KCNJ3: variants seen among roughly 807,000 people sequenced by gnomAD.
KCNJ3 encodes potassium inwardly rectifying channel subfamily J member 3.
Under a neutral mutation model 39.2 loss-of-function variants are expected in KCNJ3, and 4 were observed. The ratio of observed to expected loss-of-function variants is 0.10; its 90% CI spans 0.05 to 0.23. The LOEUF (loss-of-function observed/expected upper bound fraction) is 0.23, where lower values mean the gene tolerates loss of function less well. Ranked by LOEUF, KCNJ3 falls within the 10% of genes least tolerant of loss-of-function variation. The probability of loss-of-function intolerance (pLI) is 1.00; values close to 1 mark genes in which losing one functional copy is unlikely to be tolerated. For missense variants in KCNJ3, 276 were observed against 634.9 expected, an observed-to-expected ratio of 0.43 and a Z score of 6.08; for synonymous variants, 230 against 237.4, an observed-to-expected ratio of 0.97 and a Z score of 0.29.
At chr2:154,801,438 C>T in intron 2 of KCNJ3, among the ~76,000 whole-genome samples, 1 of 152,136 alleles carries the variant, frequency 6.6e-6, no homozygotes, top group South Asian at 2.1e-4. Flanking sequence ...CTACCTACCT[C>T]ATTTTTTCCA....
chr2:154,792,514 AC>A (rs1225275839), intron 2 of KCNJ3, among the ~76,000 whole-genome samples: 1 of 152,086 alleles, frequency 6.6e-6, no homozygotes, highest in East Asian at 1.9e-4. Flanking sequence ...GTTAGTTTAT[AC>A]AGTTGTTGCA....
chr2:154,737,346 G>A (rs1280443773), intron 2 of KCNJ3, among the ~76,000 whole-genome samples: 1 of 152,136 alleles, frequency 6.6e-6, no homozygotes, highest in Admixed American at 6.6e-5. Context: ...AGATAAATAT[G>A]CTCAGAACAA....
chr2:154,842,870 A>G (rs1274296563), intron 2 of KCNJ3, among the ~76,000 whole-genome samples: 6 of 152,086 alleles, frequency 3.9e-5, no homozygotes, highest in Non-Finnish European at 8.8e-5. Context: ...CAGCACACTG[A>G]TGCGTCTTGA....
chr2:154,793,724 G>T (rs1411830120), intron 2 of KCNJ3, among the ~76,000 whole-genome samples: 5 of 152,020 alleles, frequency 3.3e-5, no homozygotes, highest in Admixed American at 3.3e-4. Flanking sequence ...CTGGACATAG[G>T]TTTAAGTTTT....
At chr2:154,777,689 T>C (rs1047132309) in intron 2 of KCNJ3, among the ~76,000 whole-genome samples, 4 of 152,218 alleles carry the variant, frequency 2.6e-5, no homozygotes, top group South Asian at 2.1e-4. Flanking sequence ...TTGGGAATGT[T>C]TTAATTTTTT....
chr2:154,722,409 G>A (rs924073362), intron 2 of KCNJ3, among the ~76,000 whole-genome samples: 1 of 152,142 alleles, frequency 6.6e-6, no homozygotes, highest in Admixed American at 6.5e-5. Context: ...GAATGAGTGA[G>A]ACTTGGCAAA....
chr2:154,855,043 T>C lies in KCNJ3; in HGVS notation c.1236T>C (p.Phe412=). 1 of 1,614,074 alleles carries C rather than the reference T, an allele frequency of 6.2e-7. No individual in the cohort carries two copies. The highest frequency in any genetic ancestry group is 8.5e-7 in the Non-Finnish European group (1 of 1,179,966). Residue 412 remains phenylalanine, a synonymous_variant, in exon 3 of 3, where the codon TTT becomes TTC. Transcript: ENST00000295101. ...AGAAAATTACTGGAAGAGAAGACTT[T>C]CCCAAAAAACTCTTGAGGATGAGTT... ...KLQKITGRED[F]PKKLLRMSST... is the part of the protein sequence containing the mutation.
At chr2:154,814,996 G>A (rs1375114062) in intron 2 of KCNJ3, among the ~76,000 whole-genome samples, 2 of 152,184 alleles carry the variant, frequency 1.3e-5, no homozygotes, top group Non-Finnish European at 2.9e-5. Context: ...AGGTAAGACA[G>A]TTAAAGCAGG....
chr2:154,729,796 A>G (rs1293395626), intron 2 of KCNJ3, among the ~76,000 whole-genome samples: 1 of 152,180 alleles, frequency 6.6e-6, no homozygotes, highest in East Asian at 1.9e-4. Flanking sequence ...AGCAAACTGT[A>G]ATGAAATAAT....
chr2:154,795,640 C>T (rs1243219026), intron 2 of KCNJ3, among the ~76,000 whole-genome samples: 4 of 151,968 alleles, frequency 2.6e-5, no homozygotes, highest in Admixed American at 6.6e-5. Flanking sequence ...ATCTAATAGG[C>T]TTAAAGTATT....
intron 2 of KCNJ3, among the ~76,000 whole-genome samples, chr2:154,711,301 A>G (rs1470686888): frequency 6.6e-6 from 1 of 152,090 alleles, no homozygotes; most frequent in Non-Finnish European, 1.5e-5. Flanking sequence ...GTAGTAATGT[A>G]TTAGGGCTTA....
At chr2:154,809,859 G>A (rs181799333) in intron 2 of KCNJ3, among the ~76,000 whole-genome samples, 4 of 151,190 alleles carry the variant, frequency 2.6e-5, no homozygotes, top group African/African-American at 9.7e-5. Context: ...TTTACATATT[G>A]TATATGAAAT....
chr2:154,762,127 C>T (rs574111205), intron 2 of KCNJ3, among the ~76,000 whole-genome samples: 2 of 152,120 alleles, frequency 1.3e-5, no homozygotes, highest in African/African-American at 4.8e-5. Flanking sequence ...CCTCTCAATG[C>T]CTTGGTGTTA....
chr2:154,840,434 G>A (rs964730999), intron 2 of KCNJ3, among the ~76,000 whole-genome samples: 2 of 152,086 alleles, frequency 1.3e-5, no homozygotes, highest in Non-Finnish European at 2.9e-5. Flanking sequence ...CTCTTTTTTG[G>A]TTCCATATGA....
intron 2 of KCNJ3, among the ~76,000 whole-genome samples, chr2:154,777,728 G>C: frequency 6.6e-6 from 1 of 152,154 alleles, no homozygotes; most frequent in South Asian, 2.1e-4. Context: ...CTTCAGTAAT[G>C]CTTTTGCAAA....
At chr2:154,749,608 GTGTTTGGC>G (rs1475762586) in intron 2 of KCNJ3, among the ~76,000 whole-genome samples, 2 of 152,028 alleles carry the variant, frequency 1.3e-5, no homozygotes, top group Non-Finnish European at 2.9e-5. Flanking sequence ...ATTTTAAAAT[GTGTTTGGC>G]TTCTGGTTCG....
intron 2 of KCNJ3, among the ~76,000 whole-genome samples, chr2:154,801,837 A>ACGGG (rs1686824647): frequency 6.6e-6 from 1 of 151,926 alleles, no homozygotes; most frequent in Admixed American, 6.6e-5. Context: ...ATATTGCCCA[A>ACGGG]GCTGGTCTCG....
chr2:154,786,355 G>T (rs1377512794), intron 2 of KCNJ3, among the ~76,000 whole-genome samples: 1 of 152,092 alleles, frequency 6.6e-6, no homozygotes, highest in Admixed American at 6.5e-5. Context: ...GACATAGAAA[G>T]CCAAATATTT....
intron 2 of KCNJ3, among the ~76,000 whole-genome samples, chr2:154,740,467 T>C (rs544409512): frequency 6.6e-6 from 1 of 152,140 alleles, no homozygotes; most frequent in Non-Finnish European, 1.5e-5. Context: ...TAATATCTCA[T>C]TGCCATTGTG....
Sources: allele counts gnomAD v4.1 joint callset (sites outside exome capture counted in the v4.1 genomes callset), GRCh38; gene constraint gnomAD v4.1.1; transcripts MANE v1.5; gene names NCBI Gene and HGNC (gene_info 2026-07-23, HGNC 2026-07-21).